The following MRAS variants were observed in gnomAD, a reference collection of about 807,000 sequenced individuals.
MRAS encodes the protein muscle RAS oncogene homolog, also known as ras-related protein M-Ras.
MRAS carries 4 observed loss-of-function variants against 20.9 expected under a neutral mutation model. That is an observed-to-expected ratio of 0.19 (90% confidence interval 0.09 to 0.44). The LOEUF is 0.44. MRAS is among the 20% of genes least tolerant of loss of function. The pLI is 0.99. For missense variants in MRAS, 154 were observed against 277.5 expected, an observed-to-expected ratio of 0.56 and a Z score of 3.16; for synonymous variants, 98 against 102.9, an observed-to-expected ratio of 0.95 and a Z score of 0.29.
At chr3:138,382,406 C>T (rs2054923342) in intron 2 of MRAS, among the ~76,000 whole-genome samples, 1 of 152,230 alleles carries the variant, frequency 6.6e-6, no homozygotes, top group Non-Finnish European at 1.5e-5. Flanking sequence ...CTTATTTCAT[C>T]CTTGTGACAA....
intron 2 of MRAS, among the ~76,000 whole-genome samples, chr3:138,384,000 C>A (rs932932557): frequency 1.3e-5 from 2 of 152,146 alleles, no homozygotes; most frequent in Non-Finnish European, 2.9e-5. Flanking sequence ...GGAAGAGAAT[C>A]TCAGTCAGTG....
chr3:138,404,107 CT>C lies in MRAS; in HGVS notation c.*1839del, dbSNP rs2055411670. 2 of 152,236 alleles carry C rather than the reference CT, an allele frequency of 1.3e-5. No homozygotes were observed. The highest frequency in any genetic ancestry group is 4.8e-5 in the African/African-American group (2 of 41,448). 9.4% of individuals were successfully genotyped at this position (152,236 alleles called of 1,614,324 possible). ...AGGCACTTCAAAGTTTCCTTAGACC[CT>C]ATAGTGTTAAGAGGTATTTTAAACA... is the stretch of plus-strand genomic sequence containing the variant. On this transcript the variant is annotated 3_prime_UTR_variant, in exon 6 of 6. Coordinates refer to ENST00000423968, the MANE Select transcript of MRAS (RefSeq NM_001085049.3).
At chr3:138,391,045 G>T (rs920042071) in intron 2 of MRAS, among the ~76,000 whole-genome samples, 2 of 151,986 alleles carry the variant, frequency 1.3e-5, no homozygotes, top group African/African-American at 4.8e-5. Flanking sequence ...TGAAAGCTGG[G>T]TTTTTTTAAA....
chr3:138,392,377 A>G (rs929813566), intron 2 of MRAS, among the ~76,000 whole-genome samples: 6 of 152,188 alleles, frequency 3.9e-5, no homozygotes, highest in Admixed American at 6.5e-5. Context: ...CCAGCCAAGT[A>G]TTTAAATTTT....
intron 1 of MRAS, among the ~76,000 whole-genome samples, chr3:138,367,952 G>T (rs547719268): frequency 6.6e-6 from 1 of 152,338 alleles, no homozygotes; most frequent in African/African-American, 2.4e-5. Context: ...TTGAGGAAGT[G>T]ATATTGCCTT....
At chr3:138,358,334 CAA>C (rs34228309) in intron 1 of MRAS, among the ~76,000 whole-genome samples, 4 of 137,154 alleles carry the variant, frequency 2.9e-5, no homozygotes, top group Non-Finnish European at 4.8e-5. Flanking sequence ...AAGACTCTCT[CAA>C]AAAAAAAAAC....
At chr3:138,383,171 A>G (rs186365587) in intron 2 of MRAS, among the ~76,000 whole-genome samples, 83 of 152,344 alleles carry the variant, frequency 5.4e-4, no homozygotes, top group Non-Finnish European at 1.1e-3. Flanking sequence ...CCACCATTGT[A>G]TCTCTGATGT....
chr3:138,394,674 T>C (rs1182638342), intron 2 of MRAS, among the ~76,000 whole-genome samples: 3 of 152,226 alleles, frequency 2.0e-5, no homozygotes, highest in Non-Finnish European at 4.4e-5. Context: ...TGTCAAAAAC[T>C]GAGTCCCCCA....
intron 2 of MRAS, among the ~76,000 whole-genome samples, chr3:138,386,650 A>G (rs901677969): frequency 2.6e-5 from 4 of 151,836 alleles, no homozygotes; most frequent in Admixed American, 6.6e-5. Flanking sequence ...CACCCAGCTA[A>G]TTTTTGTATT....
intron 5 of MRAS, 66 bp from the exon 6 acceptor site, chr3:138,402,104 G>A (rs1356954097): frequency 6.8e-7 from 1 of 1,472,080 alleles, no homozygotes; most frequent in Non-Finnish European, 9.4e-7. Context: ...GGCTAGGGAG[G>A]AGAGGGGCAG....
chr3:138,400,053 G>A (rs754552824), intron 4 of MRAS, among the ~76,000 whole-genome samples: 2 of 152,188 alleles, frequency 1.3e-5, no homozygotes, highest in Non-Finnish European at 2.9e-5. Context: ...GATGAGGTGG[G>A]GGCCAGCTCC....
intron 2 of MRAS, among the ~76,000 whole-genome samples, chr3:138,391,533 C>T (rs2055132816): frequency 6.6e-6 from 1 of 152,196 alleles, no homozygotes. Flanking sequence ...GAATAGTCCA[C>T]ATATAAGTAC....
intron 1 of MRAS, among the ~76,000 whole-genome samples, chr3:138,355,570 C>G (rs569978829): frequency 6.6e-6 from 1 of 152,210 alleles, no homozygotes; most frequent in African/African-American, 2.4e-5. Flanking sequence ...CGGGAGACCC[C>G]AAGTCCTCTT....
At chr3:138,398,336 G>T in intron 3 of MRAS, 133 bp from the exon 4 acceptor site, 1 of 713,636 alleles carries the variant, frequency 1.4e-6, no homozygotes, top group Non-Finnish European at 2.5e-6. Flanking sequence ...GAAGAGGGAA[G>T]GGACTGCAGT....
rs1369641838 is a variant in MRAS at position 138,381,500 on chromosome 3, C to A, written c.193+8424C>A. ...GCTGACCAAATCCTCTCCTCACTTA[C>A]AACAGGGCAGATGTCTCTGGGCCTC... is the stretch of plus-strand genomic sequence containing the variant. On this transcript the variant is annotated intron_variant, in intron 2 of 5. Coordinates refer to ENST00000423968, the MANE Select transcript of MRAS (RefSeq NM_001085049.3). Among the ~76,000 whole-genome samples the A allele has an allele frequency of 2.6e-5, 4 of 152,240 alleles. No individual in the cohort carries two copies. The East Asian group carries it at 5.8e-4, about 22-fold the overall frequency.
At chr3:138,399,039 T>C (rs1375885638) in intron 4 of MRAS, among the ~76,000 whole-genome samples, 1 of 152,208 alleles carries the variant, frequency 6.6e-6, no homozygotes, top group Non-Finnish European at 1.5e-5. Flanking sequence ...TGGCCGCTTA[T>C]CAGGGGCATC....
At chr3:138,374,190 G>A (rs147396998) in intron 2 of MRAS, among the ~76,000 whole-genome samples, 5,784 of 151,846 alleles carry the variant, frequency 0.038, 352 homozygotes, top group African/African-American at 0.13. Flanking sequence ...CTCGATCTCC[G>A]GACCTCGTGA....
At chr3:138,396,887 C>T (rs940268724) in intron 2 of MRAS, among the ~76,000 whole-genome samples, 5 of 152,080 alleles carry the variant, frequency 3.3e-5, no homozygotes, top group Non-Finnish European at 7.4e-5. Flanking sequence ...GCACGGTTTT[C>T]ATTGATAGAG....
chr3:138,369,376 G>C (rs1464444213), intron 1 of MRAS, among the ~76,000 whole-genome samples: 1 of 152,180 alleles, frequency 6.6e-6, no homozygotes, highest in East Asian at 1.9e-4. Context: ...CCCATGAGGA[G>C]GTTTGTGCTC....
Sources: gnomAD v4.1 joint callset for allele counts (sites outside exome capture counted in the v4.1 genomes callset) on GRCh38, gnomAD v4.1.1 for gene constraint, MANE v1.5 for transcripts, NCBI Gene and HGNC (gene_info 2026-07-23, HGNC 2026-07-21) for gene names.